The following MME variants were observed in gnomAD, a reference collection of about 807,000 sequenced individuals.
MME encodes membrane metalloendopeptidase.
Under a neutral mutation model 113.2 loss-of-function variants are expected in MME, and 98 were observed. That is an observed-to-expected ratio of 0.87 (90% CI 0.74 to 1.02). The LOEUF (loss-of-function observed/expected upper bound fraction) is 1.02, where lower values mean the gene tolerates loss of function less well. MME is among the 50% of genes least tolerant of loss of function. The pLI is 0.00. For synonymous variants in MME, 292 were observed against 300.6 expected, an observed-to-expected ratio of 0.97 and a Z score of 0.30; for missense variants, 836 against 896.0, an observed-to-expected ratio of 0.93 and a Z score of 0.86.
intron 3 of MME, among the ~76,000 whole-genome samples, chr3:155,097,817 G>C (rs771776952): frequency 1.3e-5 from 2 of 152,152 alleles, no homozygotes; most frequent in Non-Finnish European, 2.9e-5. Context: ...AGAGTATGAA[G>C]ACTGGAAAGT....
intron 16 of MME, among the ~76,000 whole-genome samples, chr3:155,160,103 A>G (rs1722607775): frequency 1.3e-5 from 2 of 152,044 alleles, no homozygotes; most frequent in Admixed American, 6.6e-5. Flanking sequence ...ACCCATTGCA[A>G]TTTCTGAAGT....
rs144240445 is a variant in MME, at chr3:155,148,641, T to C, written c.1589T>C (p.Val530Ala). The C allele has an allele frequency of 1.2e-6, 2 of 1,610,296 alleles. No homozygotes were observed. The highest frequency in any genetic ancestry group is 1.7e-6 in the Non-Finnish European group (2 of 1,176,880). ...SKQLKKLREK[V>A]DKDEWISGAA... Reference sequence around the variant, plus strand: ...CAACTGAAGAAGCTCCGAGAAAAGGTGGACAAAGATGAGTGCGTATATTCT... The same window carrying C: ...CAACTGAAGAAGCTCCGAGAAAAGGCGGACAAAGATGAGTGCGTATATTCT... Residue 530 changes from valine to alanine, a missense_variant, in exon 16 of 23, where the codon GTG becomes GCG. Val to Ala is a moderately conservative substitution (Grantham distance 64). Transcript: ENST00000360490.
chr3:155,105,525 G>T (rs1717614401), intron 3 of MME, among the ~76,000 whole-genome samples: 1 of 152,090 alleles, frequency 6.6e-6, no homozygotes, highest in Admixed American at 6.5e-5. Flanking sequence ...TCTTAAAATA[G>T]GAGTAATATG....
chr3:155,049,653 A>G (rs1199026101), intron 1 of MME, among the ~76,000 whole-genome samples: 1 of 151,908 alleles, frequency 6.6e-6, no homozygotes, highest in East Asian at 1.9e-4. Context: ...CTATCTATCT[A>G]TCTATCTATC....
intron 1 of MME, among the ~76,000 whole-genome samples, chr3:155,031,005 G>T (rs1712952416): frequency 6.6e-6 from 1 of 152,196 alleles, no homozygotes; most frequent in South Asian, 2.1e-4. Flanking sequence ...AGTCATAGCA[G>T]CACAGAATCT....
chr3:155,060,852 A>T (rs1170409312), intron 1 of MME, among the ~76,000 whole-genome samples: 1 of 151,646 alleles, frequency 6.6e-6, no homozygotes, highest in African/African-American at 2.4e-5. Flanking sequence ...AGAGAGAGAG[A>T]GAGAGAGTGA....
chr3:155,063,046 A>G (rs560216250), intron 1 of MME, among the ~76,000 whole-genome samples: 61 of 147,148 alleles, frequency 4.1e-4, no homozygotes, highest in Non-Finnish European at 7.2e-4. Context: ...AAAAAAAAAA[A>G]AAAGAAAGGA....
At chr3:155,032,828 G>T (rs1713013844) in intron 1 of MME, among the ~76,000 whole-genome samples, 1 of 152,174 alleles carries the variant, frequency 6.6e-6, no homozygotes, top group African/African-American at 2.4e-5. Flanking sequence ...ACAAAAAATG[G>T]AAGCCAATGT....
chr3:155,047,839 A>G (rs1713613499), intron 1 of MME, among the ~76,000 whole-genome samples: 1 of 152,188 alleles, frequency 6.6e-6, no homozygotes, highest in Admixed American at 6.5e-5. Flanking sequence ...CGATTCAGGC[A>G]GTATGATCTG....
intron 1 of MME, among the ~76,000 whole-genome samples, chr3:155,058,307 T>C (rs1714009182): frequency 6.6e-6 from 1 of 152,184 alleles, no homozygotes; most frequent in Non-Finnish European, 1.5e-5. Flanking sequence ...ACTGCGTATT[T>C]TCTCCTTGAA....
At chr3:155,048,897 A>C (rs1260896836) in intron 1 of MME, among the ~76,000 whole-genome samples, 1 of 151,996 alleles carries the variant, frequency 6.6e-6, no homozygotes, top group Admixed American at 6.6e-5. Context: ...TAATTGTTTT[A>C]ATCTCTGTCC....
At position 155,168,505 on chromosome 3, in the gene MME, C is replaced by G. The variant is rs1711564541; in HGVS notation, c.1794C>G (p.Asn598Lys). ...HGFDDNGRNF[N>K]KDGDLVDWWT... Reference sequence around the variant, plus strand: ...AATATATTATAGGCAGAAACTTTAACAAAGATGGAGACCTCGTTGACTGGT... The same window carrying G: ...AATATATTATAGGCAGAAACTTTAAGAAAGATGGAGACCTCGTTGACTGGT... The change falls in exon 19 of 23, where the codon AAC becomes AAG. Residue 598 changes from asparagine (N) to lysine (K), a missense_variant. Asn to Lys is a moderately conservative substitution (Grantham distance 94, BLOSUM62 0). Transcript: ENST00000360490. 6.2e-7 allele frequency: 1 copy of G among 1,612,654 alleles called. No homozygotes were observed. The highest frequency in any genetic ancestry group is 1.3e-5 in the African/African-American group (1 of 74,884).
intron 1 of MME, among the ~76,000 whole-genome samples, chr3:155,061,416 A>G (rs941497984): frequency 1.4e-5 from 2 of 144,912 alleles, no homozygotes; most frequent in Non-Finnish European, 3.0e-5. Context: ...GCGCCACTGC[A>G]CTCCAACCTG....
At chr3:155,036,607 A>G (rs376263787) in intron 1 of MME, among the ~76,000 whole-genome samples, 1 of 152,014 alleles carries the variant, frequency 6.6e-6, no homozygotes, top group African/African-American at 2.4e-5. Flanking sequence ...TCAGTAGTTC[A>G]TTTCTTTTAT....
chr3:155,168,706 T>A, intron 19 of MME, 26 bp from the exon 20 acceptor site: 2 of 1,612,166 alleles, frequency 1.2e-6, no homozygotes, highest in Non-Finnish European at 1.7e-6. Flanking sequence ...TTTTTAACAA[T>A]CCTAATAAAG....
chr3:155,105,896 A>G (rs533664338), intron 3 of MME, among the ~76,000 whole-genome samples: 35 of 152,326 alleles, frequency 2.3e-4, no homozygotes, highest in Middle Eastern at 3.4e-3. Flanking sequence ...TGAAAATCCT[A>G]TAATTTACAT....
intron 22 of MME, among the ~76,000 whole-genome samples, chr3:155,174,325 CGTGTGTGTGTGTGTGTGTGT>C (rs3839085): frequency 2.5e-4 from 28 of 110,256 alleles, no homozygotes; most frequent in South Asian, 2.4e-3. Flanking sequence ...ACAACAGAAG[CGTGTGTGTGTGTGTGTGTGT>C]GTGTGTGTGT....
At chr3:155,109,253 G>C (rs1717963113) in intron 3 of MME, among the ~76,000 whole-genome samples, 1 of 152,126 alleles carries the variant, frequency 6.6e-6, no homozygotes, top group Non-Finnish European at 1.5e-5. Flanking sequence ...ATAGGCACAA[G>C]AGCCCTCCTC....
chr3:155,026,165 A>G (rs555230673), intron 1 of MME, among the ~76,000 whole-genome samples: 1 of 143,676 alleles, frequency 7.0e-6, no homozygotes, highest in South Asian at 2.2e-4. Context: ...ACAGGATTGA[A>G]TGCTTAGGGT....
Sources: allele counts gnomAD v4.1 joint callset (sites outside exome capture counted in the v4.1 genomes callset), GRCh38; gene constraint gnomAD v4.1.1; transcripts MANE v1.5; gene names NCBI Gene and HGNC (gene_info 2026-07-23, HGNC 2026-07-21).